The following TUBGCP3 variants were observed in gnomAD, a reference collection of about 807,000 sequenced individuals.
TUBGCP3 encodes the protein tubulin gamma complex component 3, also known as gamma-tubulin complex component 3.
A neutral mutation model predicts 123.1 loss-of-function variants in TUBGCP3; 50 were observed. The ratio of observed to expected loss-of-function variants is 0.41; its 90% CI spans 0.32 to 0.51. TUBGCP3 has a LOEUF of 0.51. Among genes scored for constraint, TUBGCP3 ranks in the 20% least tolerant of loss-of-function variants. The pLI, the probability that TUBGCP3 is intolerant of heterozygous loss-of-function variation, is 0.36. For missense variants in TUBGCP3, 882 were observed against 1,127.0 expected, an observed-to-expected ratio of 0.78 and a Z score of 3.11; for synonymous variants, 405 against 413.9, an observed-to-expected ratio of 0.98 and a Z score of 0.26.
At chr13:112,554,639 C>G (rs1051287444) in intron 7 of TUBGCP3, among the ~76,000 whole-genome samples, 1 of 152,202 alleles carries the variant, frequency 6.6e-6, no homozygotes, top group Non-Finnish European at 1.5e-5. Flanking sequence ...ATGCAGAAAT[C>G]AGCTATGGGG....
chr13:112,537,798 A>G (rs1006327188), intron 11 of TUBGCP3, among the ~76,000 whole-genome samples: 2 of 152,192 alleles, frequency 1.3e-5, no homozygotes, highest in Non-Finnish European at 2.9e-5. Flanking sequence ...TTCCTGATTA[A>G]TGATTCAATC....
At position 112,588,025 on chromosome 13, in the gene TUBGCP3, G is replaced by T; in HGVS notation, c.-45C>A. The T allele has an allele frequency of 1.4e-6, 2 of 1,386,024 alleles. No individual in the cohort carries two copies. Among genetic ancestry groups the T allele is most frequent in the Non-Finnish European group, 1.9e-6 (2 of 1,054,420 alleles). 85.9% of individuals were successfully genotyped at this position (1,386,024 alleles called of 1,614,324 possible). On this transcript the variant is annotated 5_prime_UTR_variant, in exon 1 of 22. Coordinates refer to ENST00000261965, the MANE Select transcript of TUBGCP3 (RefSeq NM_006322.6). ...CGGTGGTCCGGGCAGAGCCGCCACT[G>T]CCGCCGCACGCGCAGGGACCGCGGC...
intron 5 of TUBGCP3, among the ~76,000 whole-genome samples, chr13:112,557,132 A>T (rs1477299360): frequency 6.6e-6 from 1 of 152,232 alleles, no homozygotes; most frequent in Admixed American, 6.5e-5. Context: ...CATAGTTCTA[A>T]ATTTAAGAGG....
At chr13:112,587,479 A>C in intron 1 of TUBGCP3, 1 of 170,264 alleles carries the variant, frequency 5.9e-6, no homozygotes, top group Non-Finnish European at 1.3e-5. Flanking sequence ...CACAGGATGA[A>C]CCCAAAGGCG....
At chr13:112,533,881 T>C (rs1188206617) in intron 11 of TUBGCP3, among the ~76,000 whole-genome samples, 3 of 151,346 alleles carry the variant, frequency 2.0e-5, no homozygotes, top group East Asian at 1.9e-4. Flanking sequence ...AGTTCTTTAG[T>C]GGTGATCTGT....
chr13:112,593,452 C>G, the TUBGCP3 span, among the ~76,000 whole-genome samples: 4 of 151,796 alleles, frequency 2.6e-5, no homozygotes, highest in Non-Finnish European at 5.9e-5. Context: ...AAGGGCAGAT[C>G]ACCTGAGGTC....
chr13:112,521,613 G>A, intron 14 of TUBGCP3: 1 of 963,528 alleles, frequency 1.0e-6, no homozygotes, highest in Non-Finnish European at 1.2e-6. Context: ...CACTGGCAGG[G>A]TTTAAAGGTA....
chr13:112,604,419 T>G, the TUBGCP3 span: 1 of 152,330 alleles, frequency 6.6e-6, no homozygotes, highest in African/African-American at 2.4e-5. Flanking sequence ...CACCTCAGCC[T>G]CCTGAGTAGC....
At chr13:112,546,892 C>A (rs1222598733) in intron 10 of TUBGCP3, 3 of 152,292 alleles carry the variant, frequency 2.0e-5, no homozygotes, top group African/African-American at 7.2e-5. Context: ...CTGGGGAACA[C>A]CCTGGGCAGA....
At chr13:112,527,517 G>A (rs143499149) in intron 11 of TUBGCP3, 33 bp from the exon 12 acceptor site, 3 of 1,503,504 alleles carry the variant, frequency 2.0e-6, no homozygotes, top group East Asian at 4.5e-5. Flanking sequence ...ATGTTCAAGA[G>A]TGATATTTAT....
At chr13:112,557,435 C>A (rs147372015) in intron 5 of TUBGCP3, among the ~76,000 whole-genome samples, 3 of 152,304 alleles carry the variant, frequency 2.0e-5, no homozygotes, top group Non-Finnish European at 2.9e-5. Context: ...ATGGAAAACA[C>A]CATTTATTTG....
chr13:112,580,431 C>T (rs777600731), intron 1 of TUBGCP3, among the ~76,000 whole-genome samples: 22 of 151,562 alleles, frequency 1.5e-4, no homozygotes, highest in Admixed American at 9.2e-4. Flanking sequence ...CAGGAGTTTG[C>T]GACCAGCCTG....
Position 112,559,407 on chromosome 13 carries a change from G to GA in TUBGCP3, c.253-9dup. The GA allele has an allele frequency of 5.0e-6, 8 of 1,589,092 alleles. No individual in the cohort carries two copies. The highest frequency in any genetic ancestry group is 1.1e-5 in the South Asian group (1 of 88,870). ...TTTATTTTTCAAAACTCCCTGTTTG[G>GA]AAAAAAGTTAATATTAAAAGAACGA... is the stretch of plus-strand genomic sequence containing the variant. On this transcript the variant is annotated splice_polypyrimidine_tract_variant and intron_variant, in intron 3 of 21. Transcript: ENST00000261965.
intron 14 of TUBGCP3, 117 bp from the exon 15 acceptor site, chr13:112,520,138 G>T: frequency 1.1e-6 from 1 of 946,344 alleles, no homozygotes; most frequent in East Asian, 2.7e-5. Flanking sequence ...AAGACAAATG[G>T]GACCAATACA....
rs565462588 is a variant in TUBGCP3, at chr13:112,503,556, C to G, written c.2307+476G>C. Among the ~76,000 whole-genome samples, 32 of 152,064 alleles carry G rather than the reference C, an allele frequency of 2.1e-4. No homozygotes were observed. The East Asian group carries it at 6.2e-3, about 30-fold the overall frequency. On this transcript the variant is annotated intron_variant, in intron 19 of 21. Transcript: ENST00000261965. ...GGCTAGTGTGTATTTTTAGTAGAGA[C>G]AGGGTTTCACCATGTTGGTCAGGCT...
At chr13:112,579,014 G>T (rs916184898) in intron 1 of TUBGCP3, among the ~76,000 whole-genome samples, 5 of 152,044 alleles carry the variant, frequency 3.3e-5, no homozygotes, top group Admixed American at 6.5e-5. Flanking sequence ...TTCATACATT[G>T]GCCTTCATCA....
the TUBGCP3 span, among the ~76,000 whole-genome samples, chr13:112,599,269 C>T: frequency 6.6e-6 from 1 of 152,004 alleles, no homozygotes. Flanking sequence ...TTTTTCTTTC[C>T]ATACTGTAGT....
At chr13:112,516,603 T>A (rs1288802569) in intron 16 of TUBGCP3, 28 bp from the exon 17 acceptor site, 1 of 1,606,846 alleles carries the variant, frequency 6.2e-7, no homozygotes, top group Non-Finnish European at 8.5e-7. Flanking sequence ...GACAAGTTGA[T>A]AGTATTCCCA....
At chr13:112,571,552 G>A in intron 1 of TUBGCP3, among the ~76,000 whole-genome samples, 1 of 152,206 alleles carries the variant, frequency 6.6e-6, no homozygotes, top group East Asian at 1.9e-4. Context: ...TGGTCAACGA[G>A]CACTGGCTTC....
Sources: allele counts gnomAD v4.1 joint callset (sites outside exome capture counted in the v4.1 genomes callset), GRCh38; gene constraint gnomAD v4.1.1; transcripts MANE v1.5; gene names NCBI Gene and HGNC (gene_info 2026-07-23, HGNC 2026-07-21).